Variants in SGCZ observed in about 807,000 individuals in gnomAD.
The protein encoded by SGCZ is sarcoglycan zeta.
Under a neutral mutation model 41.3 loss-of-function variants are expected in SGCZ, and 40 were observed. That is an observed-to-expected ratio of 0.97 (90% CI 0.75 to 1.26). The LOEUF (loss-of-function observed/expected upper bound fraction) is 1.26, where lower values mean the gene tolerates loss of function less well. Among genes scored for constraint, SGCZ ranks in the 50% most tolerant of loss-of-function variants. The probability of loss-of-function intolerance (pLI) is 0.00; values close to 1 mark genes in which losing one functional copy is unlikely to be tolerated. For synonymous variants in SGCZ, 206 were observed against 137.5 expected (o/e 1.50, Z -3.49); for missense variants, 552 against 369.8 (o/e 1.49, Z -4.04).
At chr8:14,386,823 G>A (rs544889611) in intron 2 of SGCZ, among the ~76,000 whole-genome samples, 2 of 152,236 alleles carry the variant, frequency 1.3e-5, no homozygotes, top group South Asian at 4.1e-4. Context: ...TTCAAGTTGT[G>A]TGTATATTTT....
chr8:14,645,892 T>A (rs1807198058), intron 1 of SGCZ, among the ~76,000 whole-genome samples: 1 of 151,604 alleles, frequency 6.6e-6, no homozygotes, highest in South Asian at 2.1e-4. Context: ...AAGTGTTCCA[T>A]AATGTACCTC....
chr8:14,905,019 A>G (rs1799081857), intron 1 of SGCZ, among the ~76,000 whole-genome samples: 1 of 152,028 alleles, frequency 6.6e-6, no homozygotes, highest in South Asian at 2.1e-4. Context: ...ATAAAACTAT[A>G]AAAGACAATA....
intron 1 of SGCZ, among the ~76,000 whole-genome samples, chr8:14,876,774 A>C (rs1480559795): frequency 6.6e-6 from 1 of 152,164 alleles, no homozygotes; most frequent in African/African-American, 2.4e-5. Context: ...AGAATTAGGA[A>C]GGAGAAATTA....
intron 2 of SGCZ, among the ~76,000 whole-genome samples, chr8:14,463,490 T>C (rs957447090): frequency 1.3e-5 from 2 of 149,954 alleles, no homozygotes; most frequent in Admixed American, 6.7e-5. Context: ...CAAAATTAAC[T>C]AAAAATTAAT....
intron 5 of SGCZ, among the ~76,000 whole-genome samples, chr8:14,119,991 G>T (rs527323908): frequency 1.8e-4 from 27 of 152,012 alleles, no homozygotes; most frequent in Non-Finnish European, 3.4e-4. Context: ...TTTTTGCATC[G>T]ATGCTCATCA....
intron 2 of SGCZ, among the ~76,000 whole-genome samples, chr8:14,374,272 A>G (rs9694345): frequency 0.064 from 9,815 of 152,180 alleles, 950 homozygotes; most frequent in African/African-American, 0.21. Flanking sequence ...CCAACTCTTC[A>G]GGAGGCTGAG....
At chr8:14,505,084 G>A (rs901182670) in intron 2 of SGCZ, among the ~76,000 whole-genome samples, 2 of 152,022 alleles carry the variant, frequency 1.3e-5, no homozygotes, top group African/African-American at 2.4e-5. Flanking sequence ...ATGGGTTCAC[G>A]ACTGTAGTGG....
intron 2 of SGCZ, among the ~76,000 whole-genome samples, chr8:14,519,548 T>C (rs544464634): frequency 2.2e-4 from 33 of 152,230 alleles, no homozygotes; most frequent in African/African-American, 7.2e-4. Context: ...AACATATTAG[T>C]TTTCTGAAAA....
At chr8:15,147,449 T>C (rs901066401) in intron 1 of SGCZ, among the ~76,000 whole-genome samples, 1 of 152,184 alleles carries the variant, frequency 6.6e-6, no homozygotes, top group East Asian at 1.9e-4. Flanking sequence ...CGGCTAATTT[T>C]GTATTTTTAG....
At chr8:14,155,224 T>C (rs548467262) in intron 5 of SGCZ, among the ~76,000 whole-genome samples, 1 of 152,300 alleles carries the variant, frequency 6.6e-6, no homozygotes, top group South Asian at 2.1e-4. Context: ...CCAAAATGTT[T>C]CTCAATTTCA....
chr8:15,139,811 T>C (rs1808255315), intron 1 of SGCZ, among the ~76,000 whole-genome samples: 1 of 152,180 alleles, frequency 6.6e-6, no homozygotes, highest in Non-Finnish European at 1.5e-5. Context: ...TATTGTTATC[T>C]ATTTTTAATT....
intron 1 of SGCZ, among the ~76,000 whole-genome samples, chr8:14,820,995 T>A (rs1311598596): frequency 6.8e-6 from 1 of 147,650 alleles, no homozygotes; most frequent in African/African-American, 2.5e-5. Flanking sequence ...AGAGCAGAGA[T>A]AAGTAAAATA....
chr8:14,736,384 G>C (rs892349175), intron 1 of SGCZ, among the ~76,000 whole-genome samples: 7 of 151,948 alleles, frequency 4.6e-5, no homozygotes, highest in African/African-American at 1.5e-4. Context: ...GTTAGTTGTT[G>C]CATTCTACAT....
chr8:15,232,649 GTATATATATACATATATATGTGTGTGTA>G lies in SGCZ; in HGVS notation c.39+4908_39+4935del, dbSNP rs1384959886. The stretch of plus-strand genomic sequence containing the variant: ...TATATATATGGGTATATATGTGTGT[GTATATATATACATATATATGTGTGTGTA>G]TATATATATATATGTGTGTATATAT... On this transcript the variant is annotated intron_variant, in intron 1 of 7. Transcript: ENST00000382080. Among the ~76,000 whole-genome samples, 8 of 141,940 alleles carry G rather than the reference GTATATATATACATATATATGTGTGTGTA, an allele frequency of 5.6e-5. No homozygotes were observed. In the East Asian group the frequency reaches 1.4e-3, roughly 25 times the overall value. 93.1% of individuals were successfully genotyped at this position (141,940 alleles called of 152,430 possible). A position where few individuals can be genotyped will look rare whatever the true frequency, so the allele number is the denominator to read the frequency against.
chr8:14,155,473 A>G (rs1055974316), intron 5 of SGCZ, among the ~76,000 whole-genome samples: 2 of 152,116 alleles, frequency 1.3e-5, no homozygotes, highest in African/African-American at 4.8e-5. Flanking sequence ...GAATATATGA[A>G]AAAAATCATG....
intron 1 of SGCZ, among the ~76,000 whole-genome samples, chr8:14,849,486 A>T (rs918975110): frequency 6.6e-6 from 1 of 152,178 alleles, no homozygotes; most frequent in African/African-American, 2.4e-5. Flanking sequence ...AATCAGAATA[A>T]ACTATTGATA....
intron 1 of SGCZ, among the ~76,000 whole-genome samples, chr8:15,021,756 C>A (rs2130943304): frequency 6.6e-6 from 1 of 152,280 alleles, no homozygotes; most frequent in Admixed American, 6.5e-5. Context: ...GAGGCCTATT[C>A]TTTCTAGCCA....
intron 1 of SGCZ, among the ~76,000 whole-genome samples, chr8:15,134,523 A>T (rs543532277): frequency 7.2e-5 from 11 of 152,216 alleles, no homozygotes; most frequent in African/African-American, 2.6e-4. Context: ...TTCCTTTTAT[A>T]TAATAAAATC....
At chr8:14,909,651 G>T (rs762005999) in intron 1 of SGCZ, among the ~76,000 whole-genome samples, 3 of 151,928 alleles carry the variant, frequency 2.0e-5, no homozygotes, top group African/African-American at 7.2e-5. Flanking sequence ...CAAATTTTTA[G>T]TTTGGAAATA....
Sources: gnomAD v4.1 joint callset for allele counts (sites outside exome capture counted in the v4.1 genomes callset) on GRCh38, gnomAD v4.1.1 for gene constraint, MANE v1.5 for transcripts, NCBI Gene and HGNC (gene_info 2026-07-23, HGNC 2026-07-21) for gene names.